The following LRRC28 variants were observed in gnomAD, a reference collection of about 807,000 sequenced individuals.
LRRC28 encodes leucine rich repeat containing 28, also known as leucine-rich repeat-containing protein 28.
Under a neutral mutation model 45.7 loss-of-function variants are expected in LRRC28, and 39 were observed. That is an observed-to-expected ratio of 0.85 (90% CI 0.66 to 1.12). The LOEUF is 1.12. Among genes scored for constraint, LRRC28 ranks in the 50% most tolerant of loss-of-function variants. The probability of loss-of-function intolerance (pLI) is 0.00; values close to 1 mark genes in which losing one functional copy is unlikely to be tolerated. For missense variants in LRRC28, 435 were observed against 438.5 expected (o/e 0.99, Z 0.07); for synonymous variants, 206 against 178.8 (o/e 1.15, Z -1.22).
chr15:99,284,058 G>C (rs948054027), intron 3 of LRRC28, among the ~76,000 whole-genome samples: 3 of 152,210 alleles, frequency 2.0e-5, no homozygotes, highest in Admixed American at 6.5e-5. Context: ...TTAGGAGAGA[G>C]AGCAGTTCAG....
rs544537811 is a variant in LRRC28 at position 99,286,421 on chromosome 15, G to A, written c.210-836G>A. 1.1e-4 allele frequency among the ~76,000 whole-genome samples: 17 copies of A among 152,290 alleles called. No homozygotes were observed. The South Asian group carries it at 3.3e-3, about 30-fold the overall frequency. Reference sequence around the variant, plus strand: ...GCTGGGATTACAGGCGTGAGCCACCGCGCCCGGCCATAAAGATTTATTTTT... The same window carrying A: ...GCTGGGATTACAGGCGTGAGCCACCACGCCCGGCCATAAAGATTTATTTTT... On this transcript the variant is annotated intron_variant, in intron 3 of 9. Transcript: ENST00000301981.
rs552123420 is a variant in LRRC28 at position 99,361,770 on chromosome 15, C to T, written c.871+259C>T. On this transcript the variant is annotated intron_variant, in intron 8 of 9. Coordinates refer to ENST00000301981, the MANE Select transcript of LRRC28 (RefSeq NM_144598.5). ...ACACTGATCACTTTAGCACCCCCTA[C>T]AGGCACAGAGAAGCATTCTTAAAAA... Among the ~76,000 whole-genome samples the T allele has an allele frequency of 9.6e-4, 146 of 152,282 alleles. 1 individual carries two copies. The highest frequency in any genetic ancestry group is 1.6e-3 in the Non-Finnish European group (112 of 68,030).
At chr15:99,346,158 GTTCATTCA>G (rs372234952) in intron 6 of LRRC28, among the ~76,000 whole-genome samples, 38 of 151,792 alleles carry the variant, frequency 2.5e-4, no homozygotes, top group South Asian at 1.9e-3. Context: ...ATAGTCATTT[GTTCATTCA>G]TTCATTCATT....
At chr15:99,275,120 A>T (rs892167133) in intron 2 of LRRC28, among the ~76,000 whole-genome samples, 1 of 152,190 alleles carries the variant, frequency 6.6e-6, no homozygotes, top group African/African-American at 2.4e-5. Context: ...GAGAGATATT[A>T]TATGTATATA....
intron 5 of LRRC28, among the ~76,000 whole-genome samples, chr15:99,291,096 A>C (rs1182685955): frequency 6.6e-6 from 1 of 152,204 alleles, no homozygotes; most frequent in East Asian, 1.9e-4. Context: ...ATATTCTTAG[A>C]GGTTAAGGAT....
intron 9 of LRRC28, among the ~76,000 whole-genome samples, chr15:99,373,743 A>C (rs1399345229): frequency 6.6e-6 from 1 of 152,206 alleles, no homozygotes; most frequent in Non-Finnish European, 1.5e-5. Context: ...TAAGAAAAAA[A>C]TTCAAAAGTG....
chr15:99,380,200 G>C (rs1957775307), intron 9 of LRRC28, among the ~76,000 whole-genome samples: 1 of 152,182 alleles, frequency 6.6e-6, no homozygotes, highest in Non-Finnish European at 1.5e-5. Flanking sequence ...GTAAGTACTT[G>C]CTTTATGAAT....
chr15:99,281,503 C>T (rs2081790860), intron 3 of LRRC28, among the ~76,000 whole-genome samples: 1 of 151,742 alleles, frequency 6.6e-6, no homozygotes, highest in Non-Finnish European at 1.5e-5. Flanking sequence ...ATTTAAATAG[C>T]TGAATATAGT....
rs1174915820 is a variant in LRRC28 at position 99,388,985 on chromosome 15, G to A, written c.*2883G>A. The A allele has an allele frequency of 6.6e-6, 1 of 152,216 alleles. No homozygotes were observed. The highest frequency in any genetic ancestry group is 1.5e-5 in the Non-Finnish European group (1 of 68,028). The allele number at this position is 152,216 out of a possible 1,614,324, so 9.4% of individuals were successfully genotyped here. A position where few individuals can be genotyped will look rare whatever the true frequency, so the allele number is the denominator to read the frequency against. On this transcript the variant is annotated 3_prime_UTR_variant, in exon 10 of 10. Coordinates refer to ENST00000301981, the MANE Select transcript of LRRC28 (RefSeq NM_144598.5). ...AAAAACCTTAATTACATAACATTGT[G>A]TGGATGAAATGCTGCATCTTCAGTT... is the stretch of plus-strand genomic sequence containing the variant.
chr15:99,363,398 A>G (rs1957260738), intron 9 of LRRC28, 133 bp downstream of exon 9: 1 of 880,540 alleles, frequency 1.1e-6, no homozygotes. Context: ...AGAAACAGCT[A>G]AATGAAACGA....
intron 2 of LRRC28, among the ~76,000 whole-genome samples, chr15:99,266,252 T>C (rs927575980): frequency 6.6e-6 from 1 of 152,178 alleles, no homozygotes; most frequent in African/African-American, 2.4e-5. Flanking sequence ...CTGCTTCAAA[T>C]ATGAACAGGC....
At chr15:99,255,495 T>C (rs139831854) in intron 1 of LRRC28, among the ~76,000 whole-genome samples, 1 of 152,222 alleles carries the variant, frequency 6.6e-6, no homozygotes, top group East Asian at 1.9e-4. Flanking sequence ...TTTAATATTT[T>C]TGAAGTACCT....
At chr15:99,325,101 T>A (rs1406844916) in intron 5 of LRRC28, among the ~76,000 whole-genome samples, 1 of 152,222 alleles carries the variant, frequency 6.6e-6, no homozygotes, top group Non-Finnish European at 1.5e-5. Context: ...CTTCTTTAAT[T>A]TCTCTCAACG....
chr15:99,309,950 G>A (rs1440539910), intron 5 of LRRC28, among the ~76,000 whole-genome samples: 1 of 152,208 alleles, frequency 6.6e-6, no homozygotes, highest in Non-Finnish European at 1.5e-5. Flanking sequence ...CCAGGTTGCT[G>A]TGTTTGAGGC....
intron 7 of LRRC28, among the ~76,000 whole-genome samples, chr15:99,352,710 T>TC (rs1050353266): frequency 6.6e-6 from 1 of 152,200 alleles, no homozygotes; most frequent in East Asian, 1.9e-4. Flanking sequence ...CACCTTTATT[T>TC]CCCCCCACAC....
chr15:99,361,005 A>T, intron 7 of LRRC28: 1 of 174,264 alleles, frequency 5.7e-6, no homozygotes, highest in Non-Finnish European at 1.2e-5. Context: ...TCAGAAAAAC[A>T]CGTACTTGGA....
At chr15:99,329,211 A>G (rs1291316361) in intron 5 of LRRC28, among the ~76,000 whole-genome samples, 1 of 152,210 alleles carries the variant, frequency 6.6e-6, no homozygotes, top group Non-Finnish European at 1.5e-5. Context: ...AAATTTTAAA[A>G]TATAATTGGT....
intron 3 of LRRC28, chr15:99,285,836 A>G (rs35874478): frequency 0.057 from 22,806 of 402,600 alleles, 844 homozygotes; most frequent in Admixed American, 0.13. Context: ...ATTTTGATTT[A>G]GGTATTCCTT....
At chr15:99,259,370 A>T (rs748094290) in intron 2 of LRRC28, 2 of 1,553,868 alleles carry the variant, frequency 1.3e-6, no homozygotes, top group Non-Finnish European at 1.8e-6. Flanking sequence ...ATTTGATGGG[A>T]AGAGGTTCCA....
Sources: allele counts gnomAD v4.1 joint callset (sites outside exome capture counted in the v4.1 genomes callset), GRCh38; gene constraint gnomAD v4.1.1; transcripts MANE v1.5; gene names NCBI Gene and HGNC (gene_info 2026-07-23, HGNC 2026-07-21).